The following NT5DC3 variants were observed in gnomAD, a reference collection of about 807,000 sequenced individuals.
NT5DC3 encodes 5'-nucleotidase domain-containing protein 3.
Under a neutral mutation model 67.8 loss-of-function variants are expected in NT5DC3, and 42 were observed. That is an observed-to-expected ratio of 0.62 (90% confidence interval 0.48 to 0.80). The LOEUF is 0.80. NT5DC3 is among the 30% of genes least tolerant of loss of function. The pLI is 0.00. For synonymous variants in NT5DC3, 237 were observed against 255.6 expected, an observed-to-expected ratio of 0.93 and a Z score of 0.69; for missense variants, 570 against 696.4, an observed-to-expected ratio of 0.82 and a Z score of 2.04.
In NT5DC3 at chr12:103,828,696, C is replaced by CTTT. The variant is rs376961953; in HGVS notation, c.208+12250_208+12252dup. Among the ~76,000 whole-genome samples the CTTT allele has an allele frequency of 2.3e-3, 318 of 136,290 alleles. 19 individuals carry two copies. The highest frequency in any genetic ancestry group is 0.017 in the South Asian group (69 of 4,156). The allele number at this position is 136,290 out of a possible 152,430, so 89.4% of individuals were successfully genotyped here. A position where few individuals can be genotyped will look rare whatever the true frequency, so the allele number is the denominator to read the frequency against. ...TACCACTCTCCTGCATTTTTTCTTT[C>CTTT]TTTTTATTTTTTTTTTTTGGAGACG... On this transcript the variant is annotated intron_variant, in intron 1 of 13. Coordinates refer to ENST00000392876, the MANE Select transcript of NT5DC3 (RefSeq NM_001031701.3).
At chr12:103,819,695 G>C (rs979665967) in intron 1 of NT5DC3, 1 of 152,190 alleles carries the variant, frequency 6.6e-6, no homozygotes, top group Non-Finnish European at 1.5e-5. Flanking sequence ...ACAGAGCACT[G>C]GGAAATGTGG....
chr12:103,765,002 C>T, the NT5DC3 span, among the ~76,000 whole-genome samples: 1 of 143,750 alleles, frequency 7.0e-6, no homozygotes, highest in East Asian at 2.1e-4. Context: ...GCAACAGAAT[C>T]GCTTGAACTG....
the NT5DC3 span, among the ~76,000 whole-genome samples, chr12:103,764,748 T>C: frequency 6.6e-6 from 1 of 152,004 alleles, no homozygotes. Context: ...AATAACCAGA[T>C]TGCAAATCAT....
At chr12:103,782,976 A>G (rs1030832068) in intron 12 of NT5DC3, among the ~76,000 whole-genome samples, 1 of 152,100 alleles carries the variant, frequency 6.6e-6, no homozygotes, top group African/African-American at 2.4e-5. Context: ...ACAGAGCAAG[A>G]CTCCATCTCA....
rs748794654 is a variant in NT5DC3, at chr12:103,780,325, A to T, written c.1369T>A (p.Trp457Arg). The change falls in exon 13 of 14, where the codon TGG becomes AGG. Residue 457 changes from tryptophan to arginine, a missense_variant. This residue lies in a region of NT5DC3 where 466 missense variants were observed against 608.0 expected (regional missense o/e 0.77). Coordinates refer to ENST00000392876, the MANE Select transcript of NT5DC3 (RefSeq NM_001031701.3). ...CGCATCTCCTTCCTTTCCTTTTTCC[A>T]CTCCTGCAAAACCAGCTGTGACTCA... is the stretch of plus-strand genomic sequence containing the variant. ...DAESQLVLQE[W>R]KKERKEMREM... 3.1e-6 allele frequency: 5 copies of T among 1,613,348 alleles called. No homozygotes were observed. The highest frequency in any genetic ancestry group is 3.3e-5 in the Admixed American group (2 of 59,948).
intron 6 of NT5DC3, 151 bp from the exon 7 acceptor site, chr12:103,794,148 C>CTTTTTTTTTTTTTTTTTTT (rs766607290): frequency 4.3e-6 from 2 of 462,632 alleles, no homozygotes; most frequent in Non-Finnish European, 3.8e-6. Context: ...CCATTTTCTT[C>CTTTTTTTTTTTTTTTTTTT]TTCTTTTTTT....
At chr12:103,746,525 G>A in the NT5DC3 span, 1 of 1,446,456 alleles carries the variant, frequency 6.9e-7, no homozygotes, top group Non-Finnish European at 9.7e-7. Flanking sequence ...GAGAGTCTTG[G>A]AAAGTCTCCT....
chr12:103,766,853 T>C (rs1345584082), downstream of NT5DC3: 1 of 155,288 alleles, frequency 6.4e-6, no homozygotes, highest in African/African-American at 2.4e-5. Flanking sequence ...TTGGTTGTGT[T>C]TGCTTCTTTA....
In NT5DC3 at chr12:103,820,693, T is replaced by C. The variant is rs998242690; in HGVS notation, c.209-5572A>G. On this transcript the variant is annotated intron_variant, in intron 1 of 13. Coordinates refer to ENST00000392876, the MANE Select transcript of NT5DC3 (RefSeq NM_001031701.3). Reference sequence around the variant, plus strand: ...GATGTCAATGAATATTTATTCTTAATGTTTTAAAAAAATATGATGTGCCTG... The same window carrying C: ...GATGTCAATGAATATTTATTCTTAACGTTTTAAAAAAATATGATGTGCCTG... The C allele has an allele frequency of 5.3e-5, 8 of 152,172 alleles. No homozygotes were observed. The South Asian group carries it at 6.2e-4, about 12-fold the overall frequency. 9.4% of individuals were successfully genotyped at this position (152,172 alleles called of 1,614,324 possible).
At chr12:103,839,849 T>C (rs1456268845) in intron 1 of NT5DC3, among the ~76,000 whole-genome samples, 1 of 152,188 alleles carries the variant, frequency 6.6e-6, no homozygotes, top group Non-Finnish European at 1.5e-5. Flanking sequence ...AATTTGCTTT[T>C]TTCATTAAAC....
the NT5DC3 span, among the ~76,000 whole-genome samples, chr12:103,765,196 A>G: frequency 6.6e-6 from 1 of 151,936 alleles, no homozygotes; most frequent in African/African-American, 2.4e-5. Flanking sequence ...GCAGAAACAA[A>G]TGCATACATC....
intron 1 of NT5DC3, among the ~76,000 whole-genome samples, chr12:103,828,446 C>G (rs766079773): frequency 2.6e-5 from 4 of 152,186 alleles, no homozygotes; most frequent in Non-Finnish European, 5.9e-5. Context: ...TCCCTTAAAT[C>G]TTTTTACTAC....
At chr12:103,811,832 T>C (rs1489425260) in intron 2 of NT5DC3, among the ~76,000 whole-genome samples, 2 of 152,158 alleles carry the variant, frequency 1.3e-5, no homozygotes, top group Non-Finnish European at 2.9e-5. Context: ...AACCTTTCCG[T>C]AAGCCTAAAA....
intron 1 of NT5DC3, among the ~76,000 whole-genome samples, chr12:103,818,496 C>G (rs774554990): frequency 3.2e-4 from 47 of 148,938 alleles, no homozygotes; most frequent in African/African-American, 8.2e-4. Flanking sequence ...CTGCCTCTGC[C>G]TCCCAAGTAG....
chr12:103,830,666 A>T (rs2139468755), intron 1 of NT5DC3, among the ~76,000 whole-genome samples: 1 of 152,298 alleles, frequency 6.6e-6, no homozygotes, highest in South Asian at 2.1e-4. Flanking sequence ...TCATTCCACT[A>T]AACTTTTAAT....
chr12:103,766,314 A>C (rs779854699), downstream of NT5DC3: 2 of 1,613,890 alleles, frequency 1.2e-6, no homozygotes, highest in Non-Finnish European at 8.5e-7. Flanking sequence ...CTTGAGGGCA[A>C]TGACCCCTTG....
Position 103,788,856 on chromosome 12 carries a change from T to C in NT5DC3, c.1083A>G (p.Lys361=). The change falls in exon 10 of 14, where the codon AAA becomes AAG. Residue 361 remains lysine (K), a synonymous_variant. Coordinates refer to ENST00000392876, the MANE Select transcript of NT5DC3 (RefSeq NM_001031701.3). ...LLWDKIHKLQ[K]GQIYKQGNLY... ...GAGATACCTGCTTGTATATCTGGCC[T>C]TTCTGCAACTTATGGATTTTATCCC... is the stretch of plus-strand genomic sequence containing the variant. 1 of 1,612,836 alleles carries C rather than the reference T, an allele frequency of 6.2e-7. No individual in the cohort carries two copies.
intron 1 of NT5DC3, among the ~76,000 whole-genome samples, chr12:103,819,441 G>A (rs1887399533): frequency 1.3e-5 from 2 of 152,250 alleles, no homozygotes; most frequent in Admixed American, 1.3e-4. Flanking sequence ...AAACAAGAGT[G>A]GGTACCAATT....
chr12:103,831,538 C>T (rs951386218), intron 1 of NT5DC3, among the ~76,000 whole-genome samples: 7 of 152,196 alleles, frequency 4.6e-5, no homozygotes, highest in African/African-American at 1.7e-4. Flanking sequence ...CCCCCACACA[C>T]AGAAAAAATA....
Sources: gnomAD v4.1 joint callset for allele counts (sites outside exome capture counted in the v4.1 genomes callset) on GRCh38, gnomAD v4.1.1 for gene constraint, gnomAD v4.1.1 regional missense constraint, MANE v1.5 for transcripts, NCBI Gene and HGNC (gene_info 2026-07-23, HGNC 2026-07-21) for gene names.